The following MGAT4C variants were observed in gnomAD, a reference collection of about 807,000 sequenced individuals.
MGAT4C encodes alpha-1,3-mannosyl-glycoprotein 4-beta-N-acetylglucosaminyltransferase C.
MGAT4C carries 19 observed loss-of-function variants against 40.1 expected under a neutral mutation model. That is an observed-to-expected ratio of 0.47 (90% CI 0.33 to 0.70). The LOEUF is 0.70. MGAT4C is among the 30% of genes least tolerant of loss of function. MGAT4C has a pLI of 0.02. For synonymous variants in MGAT4C, 181 were observed against 187.1 expected (o/e 0.97, Z 0.27); for missense variants, 491 against 563.2 (o/e 0.87, Z 1.30).
chr12:86,192,192 T>C (rs928753798), intron 1 of MGAT4C, among the ~76,000 whole-genome samples: 12 of 151,632 alleles, frequency 7.9e-5, no homozygotes, highest in African/African-American at 2.7e-4. Context: ...TGTATACATA[T>C]GTAACAAACC....
intron 1 of MGAT4C, among the ~76,000 whole-genome samples, chr12:86,728,615 C>T (rs1045355892): frequency 1.3e-5 from 2 of 152,100 alleles, no homozygotes; most frequent in Non-Finnish European, 2.9e-5. Flanking sequence ...CGCTTGAACC[C>T]GGGAGGCAGA....
intron 1 of MGAT4C, among the ~76,000 whole-genome samples, chr12:86,058,899 T>C (rs1893661569): frequency 6.6e-6 from 1 of 152,204 alleles, no homozygotes; most frequent in African/African-American, 2.4e-5. Context: ...CTTACATGTA[T>C]ACAAACATTT....
intron 2 of MGAT4C, among the ~76,000 whole-genome samples, chr12:86,567,272 G>A (rs1032117060): frequency 6.6e-6 from 1 of 152,166 alleles, no homozygotes; most frequent in Non-Finnish European, 1.5e-5. Context: ...GTGACATTAC[G>A]TTCTGCTGGC....
At chr12:86,493,075 T>G (rs1958170129) in intron 2 of MGAT4C, among the ~76,000 whole-genome samples, 2 of 150,208 alleles carry the variant, frequency 1.3e-5, no homozygotes, top group South Asian at 4.2e-4. Flanking sequence ...ATGAGAGAAA[T>G]GCAAATCAAA....
chr12:86,448,455 C>T (rs1957374250), intron 2 of MGAT4C, among the ~76,000 whole-genome samples: 1 of 152,084 alleles, frequency 6.6e-6, no homozygotes, highest in Admixed American at 6.6e-5. Flanking sequence ...TTCTCCTTAC[C>T]CTATCTTAAT....
chr12:86,363,401 T>C (rs1407846191), intron 3 of MGAT4C, among the ~76,000 whole-genome samples: 1 of 152,138 alleles, frequency 6.6e-6, no homozygotes. Flanking sequence ...CAAATTAGCA[T>C]CTATTTTAAA....
intron 1 of MGAT4C, among the ~76,000 whole-genome samples, chr12:86,097,616 G>T (rs1874183279): frequency 6.6e-6 from 1 of 151,390 alleles, no homozygotes; most frequent in Non-Finnish European, 1.5e-5. Context: ...AACTTGCCAT[G>T]GATTTAGAAA....
At chr12:86,125,084 C>T (rs1339993205) in intron 1 of MGAT4C, among the ~76,000 whole-genome samples, 1 of 152,158 alleles carries the variant, frequency 6.6e-6, no homozygotes, top group Non-Finnish European at 1.5e-5. Context: ...TGGCCAGATT[C>T]TGACTAAACC....
At chr12:86,690,707 G>A (rs545942826) in intron 2 of MGAT4C, among the ~76,000 whole-genome samples, 5 of 152,022 alleles carry the variant, frequency 3.3e-5, no homozygotes, top group Admixed American at 3.3e-4. Context: ...CTTCTGCTTT[G>A]GTCTCACTAG....
intron 3 of MGAT4C, among the ~76,000 whole-genome samples, chr12:85,983,908 G>C (rs1884919627): frequency 6.6e-6 from 1 of 151,960 alleles, no homozygotes; most frequent in Admixed American, 6.6e-5. Flanking sequence ...AATTACATTT[G>C]TTTTTCTATA....
chr12:86,625,067 G>C (rs1244711411), intron 2 of MGAT4C, among the ~76,000 whole-genome samples: 2 of 151,796 alleles, frequency 1.3e-5, no homozygotes, highest in Non-Finnish European at 2.9e-5. Context: ...TAATTATAAA[G>C]GGCTCTTCAA....
At position 86,770,901 on chromosome 12, in the gene MGAT4C, T is replaced by C. The variant is rs186381374; in HGVS notation, c.-261-43660A>G. ...TGAGCTTGAAGGAAGGTGGTGTGGG[T>C]TGAATTGTGTCTCCTTCCCCAAACT... is the stretch of plus-strand genomic sequence containing the variant. On this transcript the variant is annotated intron_variant, in intron 1 of 7. Coordinates refer to the MGAT4C transcript ENST00000548651. 9.9e-5 allele frequency among the ~76,000 whole-genome samples: 15 copies of C among 152,178 alleles called. No individual in the cohort carries two copies. In the East Asian group the frequency reaches 2.3e-3, roughly 24 times the overall value.
Position 86,103,995 on chromosome 12 carries a change from A to G in MGAT4C, c.-56-54272T>C, listed in dbSNP as rs111627028. 4.2e-3 allele frequency among the ~76,000 whole-genome samples: 636 copies of G among 152,188 alleles called. 6 individuals are homozygous for G. Among genetic ancestry groups the G allele is most frequent in the African/African-American group, 0.015 (610 of 41,538 alleles). On this transcript the variant is annotated intron_variant, in intron 1 of 4. Coordinates refer to ENST00000611864, the MANE Select transcript of MGAT4C (RefSeq NM_001351288.2). ...AAATTATTGGAAGGTCTTTTAAAAG[A>G]CCTCAAAAAGTAAACATAGACATTT...
chr12:86,566,567 T>C (rs1197449346), intron 2 of MGAT4C, among the ~76,000 whole-genome samples: 1 of 131,690 alleles, frequency 7.6e-6, no homozygotes, highest in Non-Finnish European at 1.6e-5. Flanking sequence ...TATATATATA[T>C]ATATATATGT....
At chr12:86,007,401 G>T (rs1393582432) in intron 2 of MGAT4C, among the ~76,000 whole-genome samples, 1 of 152,002 alleles carries the variant, frequency 6.6e-6, no homozygotes, top group African/African-American at 2.4e-5. Context: ...CTATTAACAT[G>T]AAATAGTAAG....
At chr12:86,270,186 C>A (rs58497443) in intron 4 of MGAT4C, among the ~76,000 whole-genome samples, 2,265 of 152,188 alleles carry the variant, frequency 0.015, 32 homozygotes, top group African/African-American at 0.036. Flanking sequence ...CCGGCCTCAG[C>A]CTCCCAAGTA....
At chr12:86,784,180 G>A (rs1593204215) in intron 1 of MGAT4C, among the ~76,000 whole-genome samples, 1 of 152,008 alleles carries the variant, frequency 6.6e-6, no homozygotes, top group South Asian at 2.1e-4. Flanking sequence ...ATTAGGAAGG[G>A]GAATTTGTTG....
chr12:86,411,546 GAT>G (rs1240189505), intron 3 of MGAT4C, among the ~76,000 whole-genome samples: 7 of 152,272 alleles, frequency 4.6e-5, no homozygotes, highest in Admixed American at 2.0e-4. Flanking sequence ...AAACATTCAA[GAT>G]ATATCCTGGC....
At chr12:86,348,468 C>A (rs763631243) in intron 3 of MGAT4C, among the ~76,000 whole-genome samples, 2 of 151,950 alleles carry the variant, frequency 1.3e-5, no homozygotes, top group Non-Finnish European at 2.9e-5. Flanking sequence ...ATGCATTTCT[C>A]TTCCTTGGAT....
Sources: gnomAD v4.1 joint callset for allele counts (sites outside exome capture counted in the v4.1 genomes callset) on GRCh38, gnomAD v4.1.1 for gene constraint, MANE v1.5 for transcripts, NCBI Gene and HGNC (gene_info 2026-07-23, HGNC 2026-07-21) for gene names.